Variants in CEP83 observed in about 807,000 individuals in gnomAD.
CEP83 encodes centrosomal protein of 83 kDa.
In CEP83, 70 loss-of-function variants were observed where a neutral mutation model predicts 101.9. That is an observed-to-expected ratio of 0.69 (90% CI 0.57 to 0.84). The LOEUF (loss-of-function observed/expected upper bound fraction) is 0.84, where lower values mean the gene tolerates loss of function less well. CEP83 is among the 40% of genes least tolerant of loss of function. The pLI, the probability that CEP83 is intolerant of heterozygous loss-of-function variation, is 0.00. For missense variants in CEP83, 715 were observed against 787.2 expected, an observed-to-expected ratio of 0.91 and a Z score of 1.10; for synonymous variants, 264 against 267.9, an observed-to-expected ratio of 0.99 and a Z score of 0.14.
At chr12:94,413,359 A>G (rs1367527104) in intron 2 of CEP83, among the ~76,000 whole-genome samples, 1 of 152,206 alleles carries the variant, frequency 6.6e-6, no homozygotes, top group Non-Finnish European at 1.5e-5. Flanking sequence ...GTAGTCTTAA[A>G]TTCACAAACC....
chr12:94,317,499 C>A (rs987082456), intron 14 of CEP83, among the ~76,000 whole-genome samples: 2 of 152,084 alleles, frequency 1.3e-5, no homozygotes, highest in African/African-American at 4.8e-5. Context: ...GTTCCTATGT[C>A]CTGAATGGTA....
intron 1 of CEP83, among the ~76,000 whole-genome samples, chr12:94,452,087 T>C (rs1206487321): frequency 6.6e-6 from 1 of 152,148 alleles, no homozygotes; most frequent in African/African-American, 2.4e-5. Flanking sequence ...AGAAGCCAGA[T>C]GCAAAAGACT....
At chr12:94,335,878 A>T in intron 11 of CEP83, 1 of 498,606 alleles carries the variant, frequency 2.0e-6, no homozygotes, top group Non-Finnish European at 3.5e-6. Flanking sequence ...AACTAGGGGC[A>T]TAGAGAGGAT....
At chr12:94,309,886 T>C (rs1565886163) in intron 16 of CEP83, 32 bp downstream of exon 16, 1 of 1,241,276 alleles carries the variant, frequency 8.1e-7, no homozygotes, top group Non-Finnish European at 1.1e-6. Flanking sequence ...AATGTACGAC[T>C]TTTTTTTTCC....
intron 13 of CEP83, among the ~76,000 whole-genome samples, chr12:94,332,683 A>C (rs1223638786): frequency 6.6e-6 from 1 of 152,200 alleles, no homozygotes; most frequent in Non-Finnish European, 1.5e-5. Context: ...GGATCAACTG[A>C]AATGTCACAT....
chr12:94,398,149 C>A (rs1358354432), intron 6 of CEP83, among the ~76,000 whole-genome samples: 1 of 152,146 alleles, frequency 6.6e-6, no homozygotes, highest in African/African-American at 2.4e-5. Context: ...TATGGTCTCC[C>A]CCACTCCTTC....
At position 94,308,627 on chromosome 12, in the gene CEP83, G is replaced by C. The variant is rs1159413395; in HGVS notation, c.*186C>G. 1 of 391,172 alleles carries C rather than the reference G, an allele frequency of 2.6e-6. No individual in the cohort carries two copies. The highest frequency in any genetic ancestry group is 6.9e-5 in the South Asian group (1 of 14,432). 24.2% of individuals were successfully genotyped at this position (391,172 alleles called of 1,614,324 possible). On this transcript the variant is annotated 3_prime_UTR_variant, in exon 17 of 17. Coordinates refer to ENST00000397809, the MANE Select transcript of CEP83 (RefSeq NM_016122.3). ...TATCTCTGAGAATTTCTCTTTTAAT[G>C]CTTCACTTGTATAATCTTAAAATCC...
chr12:94,270,068 G>A, the CEP83 span, among the ~76,000 whole-genome samples: 1 of 152,118 alleles, frequency 6.6e-6, no homozygotes, highest in East Asian at 1.9e-4. Context: ...ACTCTATTAT[G>A]TTATTGTTAG....
chr12:94,353,827 GAA>G (rs1313487789), intron 11 of CEP83, among the ~76,000 whole-genome samples: 1 of 148,730 alleles, frequency 6.7e-6, no homozygotes, highest in Non-Finnish European at 1.5e-5. Context: ...CAAAAACTGT[GAA>G]AAGTTTGTCA....
chr12:94,282,143 A>G, the CEP83 span: 2 of 585,236 alleles, frequency 3.4e-6, no homozygotes, highest in Middle Eastern at 4.0e-4. Flanking sequence ...GTAAAACAGA[A>G]CTCAGAATTC....
intron 14 of CEP83, among the ~76,000 whole-genome samples, chr12:94,329,372 T>A (rs2059112153): frequency 1.3e-5 from 2 of 152,132 alleles, no homozygotes; most frequent in African/African-American, 4.8e-5. Context: ...GCTCAAGCAA[T>A]CCTCCCACCT....
the CEP83 span, among the ~76,000 whole-genome samples, chr12:94,286,863 C>G: frequency 0.11 from 17,353 of 152,126 alleles, 1,145 homozygotes; most frequent in Non-Finnish European, 0.14. Context: ...GAATGATTTA[C>G]TCTCAGCACA....
downstream of CEP83, chr12:94,306,540 C>A (rs1969037204): frequency 1.3e-5 from 2 of 152,102 alleles, no homozygotes; most frequent in African/African-American, 4.8e-5. Flanking sequence ...TTCTATTAAA[C>A]CAGAAGAAGT....
intron 2 of CEP83, chr12:94,424,610 C>A: frequency 1.2e-6 from 2 of 1,613,706 alleles, no homozygotes; most frequent in South Asian, 1.1e-5. Flanking sequence ...CTGTACACCA[C>A]TGGCCTTCAG....
chr12:94,376,990 C>G (rs1251043544), intron 7 of CEP83, among the ~76,000 whole-genome samples: 3 of 152,116 alleles, frequency 2.0e-5, no homozygotes, highest in Admixed American at 6.5e-5. Context: ...ATCCAGCTAC[C>G]TCAGCCTCCC....
chr12:94,352,798 C>A (rs372854836), intron 11 of CEP83, among the ~76,000 whole-genome samples: 4 of 152,008 alleles, frequency 2.6e-5, no homozygotes, highest in Admixed American at 6.5e-5. Context: ...TCCAGTCAGA[C>A]AAATAATAAT....
Position 94,375,866 on chromosome 12 carries a change from A to C in CEP83, c.933+20T>G, listed in dbSNP as rs1331012036. 7.4e-7 allele frequency: 1 copy of C among 1,349,628 alleles called. No individual in the cohort carries two copies. 83.6% of individuals were successfully genotyped at this position (1,349,628 alleles called of 1,614,324 possible). On this transcript the variant is annotated intron_variant, in intron 8 of 16. Transcript: ENST00000397809. ...TAACAAACATTCTAAAGAATGAAAC[A>C]GAAACATAAAACAACTTACTTTACT... is the stretch of plus-strand genomic sequence containing the variant.
chr12:94,412,549 C>T lies in CEP83; in HGVS notation c.-59G>A, dbSNP rs992397244. The T allele has an allele frequency of 1.4e-5, 21 of 1,508,460 alleles. No individual in the cohort carries two copies. The African/African-American group carries it at 2.1e-4, about 15-fold the overall frequency. 93.4% of individuals were successfully genotyped at this position (1,508,460 alleles called of 1,614,324 possible). A position where few individuals can be genotyped will look rare whatever the true frequency, so the allele number is the denominator to read the frequency against. ...GTTTTCTTTCCAAGGGTATTTCCCA[C>T]TCCTTTCTTGCTAAGGCAGAATCTC... On this transcript the variant is annotated 5_prime_UTR_variant, in exon 3 of 17. In the 5' UTR this introduces an upstream ATG that the reference lacks. Transcript: ENST00000397809.
chr12:94,343,303 G>A (rs1423019474), intron 11 of CEP83, among the ~76,000 whole-genome samples: 1 of 151,916 alleles, frequency 6.6e-6, no homozygotes, highest in East Asian at 1.9e-4. Context: ...TGCAGGGTCA[G>A]CACCGTGAGA....
Sources: allele counts gnomAD v4.1 joint callset (sites outside exome capture counted in the v4.1 genomes callset), GRCh38; gene constraint gnomAD v4.1.1; transcripts MANE v1.5; gene names NCBI Gene and HGNC (gene_info 2026-07-23, HGNC 2026-07-21).